The following GREM2 variants were observed in gnomAD, a reference collection of about 807,000 sequenced individuals.
GREM2 encodes the protein gremlin 2, DAN family BMP antagonist, also known as gremlin-2.
A neutral mutation model predicts 14.2 loss-of-function variants in GREM2; 11 were observed. The observed-to-expected ratio is 0.78, with a 90% CI of 0.49 to 1.28. The LOEUF is 1.28. Among genes scored for constraint, GREM2 ranks in the 50% most tolerant of loss-of-function variants. The pLI, the probability that GREM2 is intolerant of heterozygous loss-of-function variation, is 0.00. For synonymous variants in GREM2, 98 were observed against 97.6 expected (o/e 1.00, Z -0.02); for missense variants, 210 against 218.5 (o/e 0.96, Z 0.24).
intron 1 of GREM2, among the ~76,000 whole-genome samples, chr1:240,562,885 T>C (rs1050277195): frequency 6.6e-6 from 1 of 151,164 alleles, no homozygotes; most frequent in Non-Finnish European, 1.5e-5. Flanking sequence ...TGTATGTGTG[T>C]ATGAGTGTGT....
At chr1:240,604,182 C>T (rs990233246) in intron 1 of GREM2, among the ~76,000 whole-genome samples, 5 of 151,880 alleles carry the variant, frequency 3.3e-5, no homozygotes, top group African/African-American at 9.7e-5. Flanking sequence ...GCCATTAATG[C>T]GGGATCTACC....
chr1:240,561,981 C>T (rs16840380), intron 1 of GREM2, among the ~76,000 whole-genome samples: 22,044 of 152,116 alleles, frequency 0.14, 4,051 homozygotes, highest in African/African-American at 0.43. Context: ...TTGTAAACCA[C>T]TTCTTGTTTC....
intron 1 of GREM2, among the ~76,000 whole-genome samples, chr1:240,590,516 G>T (rs1426295730): frequency 6.7e-6 from 1 of 148,696 alleles, no homozygotes; most frequent in Non-Finnish European, 1.5e-5. Context: ...TGCAACCTCT[G>T]CCTCCTGGGT....
At chr1:240,547,137 T>C (rs1448436531) in intron 1 of GREM2, among the ~76,000 whole-genome samples, 3 of 152,080 alleles carry the variant, frequency 2.0e-5, no homozygotes, top group Non-Finnish European at 4.4e-5. Context: ...AGGAATGCTT[T>C]GGAATCTTGA....
chr1:240,555,627 T>C (rs1678941770), intron 1 of GREM2, among the ~76,000 whole-genome samples: 1 of 152,236 alleles, frequency 6.6e-6, no homozygotes, highest in Non-Finnish European at 1.5e-5. Flanking sequence ...GTACTGAGTG[T>C]TCACACTGGG....
chr1:240,574,999 C>T (rs1333899337), intron 1 of GREM2, among the ~76,000 whole-genome samples: 1 of 151,752 alleles, frequency 6.6e-6, no homozygotes, highest in African/African-American at 2.4e-5. Context: ...CCCAGGTACT[C>T]GGGAGGCTGA....
intron 1 of GREM2, among the ~76,000 whole-genome samples, chr1:240,556,439 C>T (rs1018796575): frequency 1.3e-5 from 2 of 152,156 alleles, no homozygotes. Context: ...ATTAGTCTTG[C>T]CCTTCAAGTA....
intron 1 of GREM2, among the ~76,000 whole-genome samples, chr1:240,608,267 C>G (rs373286696): frequency 6.6e-6 from 1 of 152,186 alleles, no homozygotes; most frequent in Admixed American, 6.5e-5. Flanking sequence ...AATTTTTAAA[C>G]ATTATCAATA....
At chr1:240,527,656 T>C (rs1207449610) in intron 1 of GREM2, among the ~76,000 whole-genome samples, 1 of 152,194 alleles carries the variant, frequency 6.6e-6, no homozygotes, top group Admixed American at 6.5e-5. Context: ...CAAATTCTCA[T>C]TTATTCAATG....
intron 1 of GREM2, among the ~76,000 whole-genome samples, chr1:240,494,166 T>A (rs1368404356): frequency 6.6e-6 from 1 of 152,244 alleles, no homozygotes; most frequent in Non-Finnish European, 1.5e-5. Flanking sequence ...TAAGAGTACA[T>A]CTCATTTACA....
At chr1:240,518,047 C>T (rs1677989209) in intron 1 of GREM2, among the ~76,000 whole-genome samples, 1 of 152,178 alleles carries the variant, frequency 6.6e-6, no homozygotes, top group Non-Finnish European at 1.5e-5. Flanking sequence ...AGCCCGAATC[C>T]TACATAGCGT....
In GREM2 at chr1:240,493,300, G is replaced by A. The variant is rs745410998; in HGVS notation, c.176C>T (p.Ala59Val). Residue 59 changes from alanine (A) to valine (V), a missense_variant, in exon 2 of 2, where the codon GCC (alanine) becomes GTC (valine). Coordinates refer to ENST00000318160, the MANE Select transcript of GREM2 (RefSeq NM_022469.4). Reference sequence around the variant, plus strand: ...GTACTTGCGCTCGGTGACCACCAGGGCCTCCTGGCTGGAGGCCAGCACCTC... The same window carrying A: ...GTACTTGCGCTCGGTGACCACCAGGACCTCCTGGCTGGAGGCCAGCACCTC... ...IKEVLASSQE[A>V]LVVTERKYLK... 1 of 1,614,034 alleles carries A rather than the reference G, an allele frequency of 6.2e-7. No homozygotes were observed. Among genetic ancestry groups the A allele is most frequent in the Non-Finnish European group, 8.5e-7 (1 of 1,180,008 alleles).
At chr1:240,504,419 T>G (rs1187627840) in intron 1 of GREM2, among the ~76,000 whole-genome samples, 10 of 152,226 alleles carry the variant, frequency 6.6e-5, no homozygotes, top group Admixed American at 6.5e-4. Flanking sequence ...AGGGTAGTTT[T>G]AGGGGAATCA....
rs1378221519 is a variant in GREM2 at position 240,513,857 on chromosome 1, A to T, written c.-1-20381T>A. 3.9e-5 allele frequency among the ~76,000 whole-genome samples: 6 copies of T among 152,212 alleles called. No individual in the cohort carries two copies. The East Asian group carries it at 1.2e-3, about 29-fold the overall frequency. ...TTGGTGAGAATGTAAGTGGAAGACC[A>T]TTTAAGAATTACTGGAATAATCTAC... On this transcript the variant is annotated intron_variant, in intron 1 of 1. Coordinates refer to ENST00000318160, the MANE Select transcript of GREM2 (RefSeq NM_022469.4).
intron 1 of GREM2, among the ~76,000 whole-genome samples, chr1:240,499,130 G>T (rs1022001043): frequency 6.6e-6 from 1 of 152,212 alleles, no homozygotes; most frequent in Non-Finnish European, 1.5e-5. Context: ...CTGAACAGGG[G>T]TTCTACAACA....
intron 1 of GREM2, among the ~76,000 whole-genome samples, chr1:240,517,742 C>T (rs1020195139): frequency 6.6e-6 from 1 of 152,156 alleles, no homozygotes; most frequent in African/African-American, 2.4e-5. Context: ...CATCAAATAG[C>T]TCCTGGGGAT....
chr1:240,549,258 C>T (rs1678797013), intron 1 of GREM2, among the ~76,000 whole-genome samples: 1 of 151,550 alleles, frequency 6.6e-6, no homozygotes, highest in East Asian at 1.9e-4. Flanking sequence ...ATTGCTTGAA[C>T]CTGGGAGGCG....
intron 1 of GREM2, among the ~76,000 whole-genome samples, chr1:240,605,160 C>T (rs752015746): frequency 7.9e-5 from 12 of 152,090 alleles, no homozygotes; most frequent in Non-Finnish European, 1.3e-4. Flanking sequence ...TTATAAATGA[C>T]CCTGTTTCCT....
At chr1:240,533,541 C>G (rs1028145712) in intron 1 of GREM2, among the ~76,000 whole-genome samples, 1 of 147,376 alleles carries the variant, frequency 6.8e-6, no homozygotes, top group Non-Finnish European at 1.5e-5. Flanking sequence ...TAAGAAAGTC[C>G]CATCAGAAGC....
Sources: allele counts gnomAD v4.1 joint callset (sites outside exome capture counted in the v4.1 genomes callset), GRCh38; gene constraint gnomAD v4.1.1; transcripts MANE v1.5; gene names NCBI Gene and HGNC (gene_info 2026-07-23, HGNC 2026-07-21).